EPHA6: variants seen among roughly 807,000 people sequenced by gnomAD.
EPHA6 encodes the protein ephrin type-A receptor 6.
EPHA6 carries 50 observed loss-of-function variants against 112.0 expected under a neutral mutation model. The observed-to-expected ratio is 0.45, with a 90% CI of 0.36 to 0.56. The LOEUF is 0.56. EPHA6 is among the 20% of genes least tolerant of loss of function. EPHA6 has a pLI of 0.00. For synonymous variants in EPHA6, 529 were observed against 490.7 expected (o/e 1.08, Z -1.03); for missense variants, 1,280 against 1,417.4 (o/e 0.90, Z 1.56).
chr3:97,618,853 T>C (rs371903135), intron 13 of EPHA6, among the ~76,000 whole-genome samples: 1 of 152,088 alleles, frequency 6.6e-6, no homozygotes, highest in African/African-American at 2.4e-5. Context: ...GCTGGTACCA[T>C]TCCTACTGAA....
At chr3:97,191,212 T>C (rs910294663) in intron 3 of EPHA6, among the ~76,000 whole-genome samples, 2 of 152,052 alleles carry the variant, frequency 1.3e-5, no homozygotes, top group African/African-American at 4.8e-5. Flanking sequence ...GTATATATAT[T>C]TTTGGGGTGC....
chr3:96,907,281 T>C (rs113177406), intron 2 of EPHA6, among the ~76,000 whole-genome samples: 4,254 of 151,928 alleles, frequency 0.028, 200 homozygotes, highest in African/African-American at 0.095. Context: ...TATTAATATT[T>C]ATTGTGTTCA....
chr3:96,994,732 T>TATATATATATATAGAGAGAGAGAGAG (rs1170197805), intron 3 of EPHA6, among the ~76,000 whole-genome samples: 17 of 82,186 alleles, frequency 2.1e-4, no homozygotes, highest in African/African-American at 1.0e-3. Flanking sequence ...TATATATATA[T>TATATATATATATAGAGAGAGAGAGAG]AGAGAGAGAG....
chr3:97,277,362 G>A (rs1192005351), intron 5 of EPHA6, among the ~76,000 whole-genome samples: 1 of 152,142 alleles, frequency 6.6e-6, no homozygotes, highest in East Asian at 1.9e-4. Flanking sequence ...GAGCTTTTGA[G>A]CTGGGATGAG....
At chr3:97,385,643 A>G (rs942962077) in intron 5 of EPHA6, among the ~76,000 whole-genome samples, 1 of 152,162 alleles carries the variant, frequency 6.6e-6, no homozygotes, top group Non-Finnish European at 1.5e-5. Flanking sequence ...TACTATAAAG[A>G]CATACCTGGG....
At chr3:97,154,472 CAT>C (rs1225739563) in intron 3 of EPHA6, among the ~76,000 whole-genome samples, 1 of 151,998 alleles carries the variant, frequency 6.6e-6, no homozygotes, top group Non-Finnish European at 1.5e-5. Flanking sequence ...ACATAATTAA[CAT>C]ATTTTTATGA....
At chr3:97,270,266 AAC>A (rs1298802869) in intron 5 of EPHA6, among the ~76,000 whole-genome samples, 1 of 152,170 alleles carries the variant, frequency 6.6e-6, no homozygotes, top group Non-Finnish European at 1.5e-5. Context: ...TACAAACCCT[AAC>A]ACACTTTCTA....
At chr3:96,857,677 T>C (rs2035774448) in intron 1 of EPHA6, among the ~76,000 whole-genome samples, 3 of 152,174 alleles carry the variant, frequency 2.0e-5, no homozygotes. Flanking sequence ...TTCACATTTT[T>C]CCTGCCCATT....
At chr3:97,214,038 T>TGTGTGTGTGTGTGTGTGA (rs1491420279) in intron 3 of EPHA6, among the ~76,000 whole-genome samples, 22 of 77,844 alleles carry the variant, frequency 2.8e-4, no homozygotes, top group African/African-American at 7.3e-4. Flanking sequence ...TGTGTGTGTG[T>TGTGTGTGTGTGTGTGTGA]GAGAGAGAGA....
intron 5 of EPHA6, among the ~76,000 whole-genome samples, chr3:97,297,601 G>T (rs962105567): frequency 1.3e-5 from 2 of 151,968 alleles, no homozygotes; most frequent in African/African-American, 2.4e-5. Context: ...AATAAAGTTG[G>T]TTTTTCTAGA....
In EPHA6 at chr3:97,753,538, A is replaced by C. The variant is rs1033590344; in HGVS notation, c.*4837A>C. Among the ~76,000 whole-genome samples the C allele has an allele frequency of 6.6e-6, 1 of 152,156 alleles. No homozygotes were observed. The highest frequency in any genetic ancestry group is 1.5e-5 in the Non-Finnish European group (1 of 68,014). On this transcript the variant is annotated 3_prime_UTR_variant, in exon 18 of 18. Coordinates refer to ENST00000389672, the MANE Select transcript of EPHA6 (RefSeq NM_001080448.3). ...ACAGTTGATCCTCTTCAGGAGTCACAGATTTTTATTGTCTGATAGCATAGC... is the reference window on the plus strand; with the variant it reads ...ACAGTTGATCCTCTTCAGGAGTCACCGATTTTTATTGTCTGATAGCATAGC...
intron 5 of EPHA6, among the ~76,000 whole-genome samples, chr3:97,379,619 G>A (rs982102606): frequency 6.6e-6 from 1 of 151,350 alleles, no homozygotes. Flanking sequence ...CATGGTGGCA[G>A]GCACCTGTAA....
chr3:97,235,613 C>T (rs927339839), intron 4 of EPHA6, among the ~76,000 whole-genome samples: 3 of 152,060 alleles, frequency 2.0e-5, no homozygotes, highest in African/African-American at 7.2e-5. Flanking sequence ...AAATATCTTC[C>T]AAATTATTAG....
intron 13 of EPHA6, among the ~76,000 whole-genome samples, chr3:97,631,060 A>G (rs2093898527): frequency 6.6e-6 from 1 of 152,040 alleles, no homozygotes; most frequent in African/African-American, 2.4e-5. Context: ...CACAAATACT[A>G]TTCTAATTCC....
intron 15 of EPHA6, among the ~76,000 whole-genome samples, chr3:97,729,319 C>T (rs1380204386): frequency 1.3e-5 from 2 of 151,918 alleles, no homozygotes; most frequent in African/African-American, 4.8e-5. Flanking sequence ...AAGAAATAAC[C>T]AGAGACTGGG....
intron 5 of EPHA6, among the ~76,000 whole-genome samples, chr3:97,305,302 A>G (rs988365296): frequency 6.6e-6 from 1 of 152,052 alleles, no homozygotes; most frequent in Admixed American, 6.6e-5. Context: ...TAGTTCAACT[A>G]TTGTGGCAAT....
intron 5 of EPHA6, among the ~76,000 whole-genome samples, chr3:97,269,343 G>A (rs1388761529): frequency 2.0e-5 from 3 of 151,858 alleles, no homozygotes; most frequent in Non-Finnish European, 4.4e-5. Flanking sequence ...TCCATTTCTT[G>A]ATGGCTTCCC....
chr3:97,556,895 AT>A (rs1465357164), intron 11 of EPHA6, among the ~76,000 whole-genome samples: 2 of 152,104 alleles, frequency 1.3e-5, no homozygotes, highest in Admixed American at 6.6e-5. Flanking sequence ...TAAAAATTAA[AT>A]AATGGATATT....
intron 3 of EPHA6, among the ~76,000 whole-genome samples, chr3:97,209,784 C>T (rs558573463): frequency 6.6e-6 from 1 of 152,258 alleles, no homozygotes; most frequent in East Asian, 1.9e-4. Flanking sequence ...GGTTGTCAAA[C>T]TTTACTGAGG....
Sources: allele counts gnomAD v4.1 joint callset (sites outside exome capture counted in the v4.1 genomes callset), GRCh38; gene constraint gnomAD v4.1.1; transcripts MANE v1.5; gene names NCBI Gene and HGNC (gene_info 2026-07-23, HGNC 2026-07-21).